ZMYM4: variants seen among roughly 807,000 people sequenced by gnomAD.
ZMYM4 encodes the protein zinc finger MYM-type containing 4.
ZMYM4 carries 31 observed loss-of-function variants against 183.2 expected under a neutral mutation model. The ratio of observed to expected loss-of-function variants is 0.17; its 90% confidence interval spans 0.13 to 0.23. The LOEUF is 0.23. Among genes scored for constraint, ZMYM4 ranks in the 10% least tolerant of loss-of-function variants. The probability of loss-of-function intolerance (pLI) is 1.00; values close to 1 mark genes in which losing one functional copy is unlikely to be tolerated. For missense variants in ZMYM4, 1,273 were observed against 1,840.3 expected, an observed-to-expected ratio of 0.69 and a Z score of 5.64; for synonymous variants, 592 against 631.2, an observed-to-expected ratio of 0.94 and a Z score of 0.93.
At chr1:35,296,255 C>T (rs1004503077) in intron 1 of ZMYM4, among the ~76,000 whole-genome samples, 2 of 152,140 alleles carry the variant, frequency 1.3e-5, no homozygotes, top group Admixed American at 6.5e-5. Context: ...CTTCAGGATT[C>T]CCTCTTCCAG....
At chr1:35,287,728 C>G (rs1010452144) in intron 1 of ZMYM4, among the ~76,000 whole-genome samples, 2 of 152,064 alleles carry the variant, frequency 1.3e-5, no homozygotes, top group Non-Finnish European at 2.9e-5. Flanking sequence ...GCCTTAGCCT[C>G]CCATGTAGCT....
At chr1:35,343,751 G>A (rs1342018382) in intron 2 of ZMYM4, among the ~76,000 whole-genome samples, 1 of 151,918 alleles carries the variant, frequency 6.6e-6, no homozygotes, top group Admixed American at 6.6e-5. Context: ...TGTAATCCCA[G>A]CTACTCGGGA....
chr1:35,343,480 G>GAA (rs770789959), intron 2 of ZMYM4, among the ~76,000 whole-genome samples: 1 of 151,850 alleles, frequency 6.6e-6, no homozygotes, highest in African/African-American at 2.4e-5. Context: ...CAATGTTTTT[G>GAA]AGTCTATTTT....
rs1643888298 is a variant in ZMYM4 at position 35,359,211 on chromosome 1, T to C, written c.372T>C (p.Asn124=). 1 of 1,611,664 alleles carries C rather than the reference T, an allele frequency of 6.2e-7. No homozygotes were observed. Among genetic ancestry groups the C allele is most frequent in the South Asian group, 1.1e-5 (1 of 90,482 alleles). Residue 124 remains asparagine (N), a synonymous_variant, in exon 3 of 30, where the codon AAT becomes AAC. Transcript: ENST00000314607. ...ERRVTQHESD[N]ENEIQIQNKL... Reference sequence around the variant, plus strand: ...GAGTCACACAGCATGAATCAGACAATGAAAATGAAATACAAATTCAAAATA... The same window carrying C: ...GAGTCACACAGCATGAATCAGACAACGAAAATGAAATACAAATTCAAAATA...
chr1:35,366,942 C>G (rs1172506340), intron 5 of ZMYM4, among the ~76,000 whole-genome samples: 1 of 150,352 alleles, frequency 6.7e-6, no homozygotes, highest in Admixed American at 6.7e-5. Flanking sequence ...GAGGATCACT[C>G]GAGCCTGGGA....
chr1:35,293,003 C>CT (rs765800733), intron 1 of ZMYM4, among the ~76,000 whole-genome samples: 1,236 of 59,874 alleles, frequency 0.021, 9 homozygotes, highest in Middle Eastern at 0.048. Flanking sequence ...ATACCATTAA[C>CT]ATTTTTTTTT....
rs1262092421 is a variant in ZMYM4, at chr1:35,389,745, G to A, written c.2437-203G>A. 6.9e-6 allele frequency among the ~76,000 whole-genome samples: 1 copy of A among 145,198 alleles called. No individual in the cohort carries two copies. The highest frequency in any genetic ancestry group is 1.5e-5 in the Non-Finnish European group (1 of 67,000). ...ACTCCAGCCTGGGCGATAGAGCAAG[G>A]CTCTGTCTCAAAAAAAAAAAAAAAT... is the stretch of plus-strand genomic sequence containing the variant. On this transcript the variant is annotated intron_variant, in intron 14 of 29. Coordinates refer to ENST00000314607, the MANE Select transcript of ZMYM4 (RefSeq NM_005095.3). This position sits in a 1 kb window ranked among gnomAD's most constrained non-coding sequence, Gnocchi z 4.0.
In ZMYM4 at chr1:35,381,433, T is replaced by C; in HGVS notation, c.1356T>C (p.Val452=). Residue 452 remains valine (V), a splice_region_variant and synonymous_variant, in exon 8 of 30, where the codon GTT becomes GTC. Coordinates refer to ENST00000314607, the MANE Select transcript of ZMYM4 (RefSeq NM_005095.3). Reference sequence around the variant, plus strand: ...GCAGCATGTGTCAGAAGAATGCTGTTGTAAGTTACCATTTTCCTTTATTGG... The same window carrying C: ...GCAGCATGTGTCAGAAGAATGCTGTCGTAAGTTACCATTTTCCTTTATTGG... The part of the protein sequence containing the change: ...TKCSMCQKNA[V]IRHEVNYQNV... 1 of 1,606,218 alleles carries C rather than the reference T, an allele frequency of 6.2e-7. No individual in the cohort carries two copies. Among genetic ancestry groups the C allele is most frequent in the Non-Finnish European group, 8.5e-7 (1 of 1,174,414 alleles).
chr1:35,293,853 G>A (rs1640879792), intron 1 of ZMYM4, among the ~76,000 whole-genome samples: 1 of 152,070 alleles, frequency 6.6e-6, no homozygotes, highest in African/African-American at 2.4e-5. Flanking sequence ...TGGAATACTT[G>A]AATTATTTAA....
intron 7 of ZMYM4, among the ~76,000 whole-genome samples, chr1:35,372,213 T>C (rs1644229378): frequency 1.3e-5 from 2 of 152,232 alleles, no homozygotes; most frequent in African/African-American, 4.8e-5. Context: ...TTTGTGACTT[T>C]CAATGCCTTT....
rs555562760 is a variant in ZMYM4, at chr1:35,310,434, A to G, written c.40-14926A>G. 5.3e-5 allele frequency: 9 copies of G among 170,332 alleles called. No homozygotes were observed. The South Asian group carries it at 1.0e-3, about 20-fold the overall frequency. The allele number at this position is 170,332 out of a possible 1,614,324, so 10.6% of individuals were successfully genotyped here. A position where few individuals can be genotyped will look rare whatever the true frequency, so the allele number is the denominator to read the frequency against. ...TAATTTTTGATACAAGTGAAAATAA[A>G]TAAATAAAAATAAAAAGGTATACAG... On this transcript the variant is annotated intron_variant, in intron 1 of 29. Coordinates refer to ENST00000314607, the MANE Select transcript of ZMYM4 (RefSeq NM_005095.3).
intron 2 of ZMYM4, among the ~76,000 whole-genome samples, chr1:35,338,456 T>A (rs1399078918): frequency 6.6e-6 from 1 of 152,168 alleles, no homozygotes; most frequent in Non-Finnish European, 1.5e-5. Context: ...TTTTTTCATA[T>A]CAGCAGTCTC....
intron 1 of ZMYM4, among the ~76,000 whole-genome samples, chr1:35,273,996 A>T (rs1639743860): frequency 6.6e-6 from 1 of 152,212 alleles, no homozygotes; most frequent in Admixed American, 6.5e-5. Context: ...ATGTGATGGG[A>T]TATGGAGAAG....
At chr1:35,282,375 A>C (rs1351710507) in intron 1 of ZMYM4, among the ~76,000 whole-genome samples, 1 of 152,228 alleles carries the variant, frequency 6.6e-6, no homozygotes, top group African/African-American at 2.4e-5. Flanking sequence ...AGCTAAGCAG[A>C]CACCAGTGCC....
intron 2 of ZMYM4, among the ~76,000 whole-genome samples, chr1:35,338,257 T>TA (rs1239295523): frequency 1.3e-5 from 2 of 152,174 alleles, no homozygotes; most frequent in African/African-American, 4.8e-5. Context: ...ACGCAAAACT[T>TA]AGTTTCTTTT....
chr1:35,299,914 C>T (rs1570290807), intron 1 of ZMYM4, among the ~76,000 whole-genome samples: 1 of 152,102 alleles, frequency 6.6e-6, no homozygotes, highest in East Asian at 1.9e-4. Flanking sequence ...CCTGCCGCAG[C>T]CTACAGAGTA....
chr1:35,346,401 A>C (rs1443675782), intron 2 of ZMYM4, among the ~76,000 whole-genome samples: 2 of 152,216 alleles, frequency 1.3e-5, no homozygotes, highest in Non-Finnish European at 1.5e-5. Context: ...CTGTAATCCC[A>C]GCACTTTGGG....
At chr1:35,301,469 C>T (rs1641274230) in intron 1 of ZMYM4, among the ~76,000 whole-genome samples, 1 of 151,340 alleles carries the variant, frequency 6.6e-6, no homozygotes, top group South Asian at 2.1e-4. Flanking sequence ...TCGCTTGAAC[C>T]TAGGAGGTGG....
intron 1 of ZMYM4, among the ~76,000 whole-genome samples, chr1:35,305,837 C>G (rs570722249): frequency 1.2e-4 from 19 of 152,288 alleles, no homozygotes; most frequent in Non-Finnish European, 2.6e-4. Flanking sequence ...GTGTGAGCCA[C>G]TGTGCTGGGT....
Sources: allele counts gnomAD v4.1 joint callset (sites outside exome capture counted in the v4.1 genomes callset), GRCh38; gene constraint gnomAD v4.1.1; non-coding constraint Gnocchi (gnomAD v3.1); transcripts MANE v1.5; gene names NCBI Gene and HGNC (gene_info 2026-07-23, HGNC 2026-07-21).